Variants in HMCN1 observed in about 807,000 individuals in gnomAD.
The protein encoded by HMCN1 is hemicentin-1.
Under a neutral mutation model 625.9 loss-of-function variants are expected in HMCN1, and 321 were observed. The observed-to-expected ratio is 0.51, with a 90% CI of 0.47 to 0.56. The LOEUF (loss-of-function observed/expected upper bound fraction) is 0.56. HMCN1 is among the 20% of genes least tolerant of loss of function. HMCN1 has a pLI of 0.00. For missense variants in HMCN1, 6,588 were observed against 6,887.3 expected, an observed-to-expected ratio of 0.96 and a Z score of 1.54; for synonymous variants, 2,425 against 2,417.6, an observed-to-expected ratio of 1.00 and a Z score of -0.09.
At chr1:185,852,999 G>T (rs1218787835) in intron 2 of HMCN1, among the ~76,000 whole-genome samples, 1 of 152,038 alleles carries the variant, frequency 6.6e-6, no homozygotes, top group Non-Finnish European at 1.5e-5. Flanking sequence ...AGCAAAGCTG[G>T]TCTCAAAATA....
At position 186,088,006 on chromosome 1, in the gene HMCN1, T is replaced by G. The variant is rs1264233793; in HGVS notation, c.9438T>G (p.Asn3146Lys). ...GGGATGATAAAAATTTCCACCTCAA[T>G]GTATATGGTGAGCATTTGCCTCTAA... ...AGRDDKNFHLNVYVPPSIEGP... is the reference protein window; with the variant it reads ...AGRDDKNFHLKVYVPPSIEGP... The change falls in exon 61 of 107, where the codon AAT (asparagine) becomes AAG (lysine). Residue 3146 changes from asparagine (N) to lysine (K), a missense_variant. This residue lies in a region of HMCN1 where 4,628 missense variants were observed against 4,853.1 expected (regional missense o/e 0.95). Transcript: ENST00000271588. The G allele has an allele frequency of 6.2e-7, 1 of 1,613,002 alleles. No individual in the cohort carries two copies. The highest frequency in any genetic ancestry group is 8.5e-7 in the Non-Finnish European group (1 of 1,179,258).
chr1:185,980,591 G>C (rs1651548968), intron 16 of HMCN1, among the ~76,000 whole-genome samples: 1 of 151,074 alleles, frequency 6.6e-6, no homozygotes, highest in Non-Finnish European at 1.5e-5. Context: ...ACTTCTAACA[G>C]GGTGGTGGTG....
chr1:186,045,134 G>T (rs1656478832), intron 40 of HMCN1, among the ~76,000 whole-genome samples: 1 of 152,106 alleles, frequency 6.6e-6, no homozygotes, highest in African/African-American at 2.4e-5. Flanking sequence ...TAAACTGCAA[G>T]TCAGAAGGCT....
intron 68 of HMCN1, among the ~76,000 whole-genome samples, chr1:186,102,759 A>C (rs1018415859): frequency 6.6e-6 from 1 of 152,130 alleles, no homozygotes; most frequent in African/African-American, 2.4e-5. Context: ...TGAACTATGA[A>C]AGTGTCATAG....
At chr1:185,944,837 C>G (rs1228895839) in intron 11 of HMCN1, among the ~76,000 whole-genome samples, 1 of 152,192 alleles carries the variant, frequency 6.6e-6, no homozygotes, top group Non-Finnish European at 1.5e-5. Flanking sequence ...CAGTGCATGT[C>G]TGTGGGAAGA....
intron 11 of HMCN1, among the ~76,000 whole-genome samples, chr1:185,955,545 T>C (rs577171934): frequency 6.6e-6 from 1 of 152,328 alleles, no homozygotes; most frequent in South Asian, 2.1e-4. Context: ...TTCTGAATTA[T>C]AGGTAGACAA....
intron 1 of HMCN1, among the ~76,000 whole-genome samples, chr1:185,809,219 A>G (rs1659361464): frequency 6.6e-6 from 1 of 152,100 alleles, no homozygotes; most frequent in African/African-American, 2.4e-5. Flanking sequence ...GACTAAGGTC[A>G]TTTTCTGGAA....
At chr1:186,185,787 G>A (rs1363890917) in intron 105 of HMCN1, among the ~76,000 whole-genome samples, 1 of 152,130 alleles carries the variant, frequency 6.6e-6, no homozygotes. Flanking sequence ...TGACATCGTA[G>A]TAACACTGTT....
rs553329313 is a variant in HMCN1, at chr1:185,760,917, G to A, written c.268+25870G>A. On this transcript the variant is annotated intron_variant, in intron 1 of 106. Transcript: ENST00000271588. ...GGTGAAGTTTTACTGTCAGAGTCTC[G>A]TGACTAGTACATGGTGGATCCAAGA... Among the ~76,000 whole-genome samples, 12 of 152,228 alleles carry A rather than the reference G, an allele frequency of 7.9e-5. No homozygotes were observed. The South Asian group carries it at 1.7e-3, about 21-fold the overall frequency.
intron 1 of HMCN1, among the ~76,000 whole-genome samples, chr1:185,753,227 T>C (rs1001429271): frequency 1.1e-4 from 17 of 152,126 alleles, no homozygotes; most frequent in African/African-American, 4.8e-5. Flanking sequence ...TCATCATATT[T>C]GACGGTTAAA....
intron 1 of HMCN1, among the ~76,000 whole-genome samples, chr1:185,817,470 AAAAGGCAGAAGAG>A (rs1345973851): frequency 6.6e-6 from 1 of 152,164 alleles, no homozygotes; most frequent in Non-Finnish European, 1.5e-5. Flanking sequence ...CAAGTTGGAA[AAAAGGCAGAAGAG>A]AAAGGCTGAG....
At chr1:185,755,039 AAATT>A (rs922903410) in intron 1 of HMCN1, among the ~76,000 whole-genome samples, 9 of 152,268 alleles carry the variant, frequency 5.9e-5, no homozygotes, top group African/African-American at 2.2e-4. Flanking sequence ...TTTTATGGTT[AAATT>A]AATTAATATA....
chr1:185,989,492 G>C lies in HMCN1; in HGVS notation c.3053G>C (p.Gly1018Ala). ...PKPSVIWSKK[G>A]ELISTSSAKF... ...GCTTTTCGCCGTGTTTTGCAGAAAG[G>C]AGAGCTGATTTCAACCAGCAGTGCT... is the stretch of plus-strand genomic sequence containing the variant. The change falls in exon 21 of 107, where the codon GGA (glycine) becomes GCA (alanine). Residue 1018 changes from glycine to alanine, a missense_variant. Around this residue, in one of 3 missense-constraint regions of HMCN1, gnomAD observed 4,628 missense variants for 4,853.1 expected, o/e 0.95. Transcript: ENST00000271588. 1 of 1,613,876 alleles carries C rather than the reference G, an allele frequency of 6.2e-7. No individual in the cohort carries two copies. Among genetic ancestry groups the C allele is most frequent in the East Asian group, 2.2e-5 (1 of 44,876 alleles).
intron 11 of HMCN1, among the ~76,000 whole-genome samples, chr1:185,936,804 A>G (rs1227878264): frequency 2.0e-5 from 3 of 152,224 alleles, no homozygotes; most frequent in Non-Finnish European, 4.4e-5. Context: ...CTCAGCCAAA[A>G]GAGCTCCATA....
At chr1:185,813,206 T>C (rs1659636989) in intron 1 of HMCN1, among the ~76,000 whole-genome samples, 1 of 152,172 alleles carries the variant, frequency 6.6e-6, no homozygotes, top group Non-Finnish European at 1.5e-5. Flanking sequence ...CTTTGGTTTG[T>C]TTATTAAAAT....
chr1:186,090,657 A>G (rs1659789699), intron 63 of HMCN1, 101 bp from the exon 64 acceptor site: 16 of 1,357,748 alleles, frequency 1.2e-5, no homozygotes, highest in East Asian at 2.4e-5. Flanking sequence ...CATAATCTAC[A>G]AAGAATATGA....
intron 86 of HMCN1, among the ~76,000 whole-genome samples, chr1:186,133,659 G>A (rs1649357540): frequency 6.6e-6 from 1 of 152,112 alleles, no homozygotes; most frequent in African/African-American, 2.4e-5. Context: ...TTAGTTAGCT[G>A]TTTGCCAAAC....
chr1:186,162,205 T>C lies in HMCN1; in HGVS notation c.15257-2906T>C, dbSNP rs183376790. 9.8e-3 allele frequency among the ~76,000 whole-genome samples: 1,493 copies of C among 152,332 alleles called. 11 individuals carry two copies. The highest frequency in any genetic ancestry group is 0.041 in the Middle Eastern group (12 of 294). ...GCTGATGTCCTTTCTTCCAGTTGAT[T>C]GCATCGGCTCCTGAGGCTTCTGCAT... On this transcript the variant is annotated intron_variant, in intron 97 of 106. Coordinates refer to ENST00000271588, the MANE Select transcript of HMCN1 (RefSeq NM_031935.3).
chr1:185,888,696 G>C (rs1193288051), intron 4 of HMCN1, among the ~76,000 whole-genome samples: 1 of 147,258 alleles, frequency 6.8e-6, no homozygotes, highest in African/African-American at 2.7e-5. Context: ...GTACCATGCT[G>C]TTTTGGTTAC....
Sources: gnomAD v4.1 joint callset for allele counts (sites outside exome capture counted in the v4.1 genomes callset) on GRCh38, gnomAD v4.1.1 for gene constraint, gnomAD v4.1.1 regional missense constraint, MANE v1.5 for transcripts, NCBI Gene and HGNC (gene_info 2026-07-23, HGNC 2026-07-21) for gene names.